Variants in CTNNA2 observed in about 807,000 individuals in gnomAD.
CTNNA2 encodes catenin alpha-2.
CTNNA2 carries 42 observed loss-of-function variants against 101.0 expected under a neutral mutation model. That is an observed-to-expected ratio of 0.42 (90% CI 0.32 to 0.54). The LOEUF is 0.54. Among genes scored for constraint, CTNNA2 ranks in the 20% least tolerant of loss-of-function variants. The pLI is 0.14. For synonymous variants in CTNNA2, 450 were observed against 456.4 expected, an observed-to-expected ratio of 0.99 and a Z score of 0.18; for missense variants, 871 against 1,223.1, an observed-to-expected ratio of 0.71 and a Z score of 4.29.
At chr2:79,467,965 A>G (rs868210151) in intron 4 of CTNNA2, among the ~76,000 whole-genome samples, 7 of 152,210 alleles carry the variant, frequency 4.6e-5, no homozygotes, top group African/African-American at 1.7e-4. Context: ...AAGAAACTGC[A>G]TCAACTAACA....
At chr2:79,970,709 T>C (rs1268174216) in intron 7 of CTNNA2, among the ~76,000 whole-genome samples, 1 of 152,136 alleles carries the variant, frequency 6.6e-6, no homozygotes, top group East Asian at 1.9e-4. Flanking sequence ...CAGGCCATAC[T>C]GGAGAATGGA....
intron 6 of CTNNA2, among the ~76,000 whole-genome samples, chr2:79,907,642 C>T (rs1432741205): frequency 6.6e-6 from 1 of 152,162 alleles, no homozygotes; most frequent in Non-Finnish European, 1.5e-5. Flanking sequence ...GGACAAAACC[C>T]AAATAGCACA....
chr2:79,187,327 T>A (rs1673794534), intron 1 of CTNNA2, among the ~76,000 whole-genome samples: 1 of 142,206 alleles, frequency 7.0e-6, no homozygotes, highest in Non-Finnish European at 1.5e-5. Context: ...TGGAGTGCAG[T>A]GGCACAATCT....
chr2:79,897,739 C>A (rs1050195074), intron 6 of CTNNA2, among the ~76,000 whole-genome samples: 1 of 152,142 alleles, frequency 6.6e-6, no homozygotes, highest in African/African-American at 2.4e-5. Flanking sequence ...GGGTAATTTA[C>A]AAAGAGCAAA....
At chr2:79,593,354 G>A (rs1676983037) in intron 1 of CTNNA2, among the ~76,000 whole-genome samples, 1 of 152,134 alleles carries the variant, frequency 6.6e-6, no homozygotes, top group African/African-American at 2.4e-5. Flanking sequence ...GACAATTATG[G>A]TCACAGTTGA....
chr2:79,996,859 A>G (rs72922656), intron 7 of CTNNA2, among the ~76,000 whole-genome samples: 2,522 of 152,246 alleles, frequency 0.017, 52 homozygotes, highest in African/African-American at 0.057. Flanking sequence ...GATGGCTGCC[A>G]TGGGGAAGAC....
intron 6 of CTNNA2, among the ~76,000 whole-genome samples, chr2:79,903,142 T>C (rs1431424123): frequency 1.3e-5 from 2 of 152,198 alleles, no homozygotes; most frequent in African/African-American, 2.4e-5. Context: ...ATTGGTGTTG[T>C]TAGTGTTAGA....
intron 4 of CTNNA2, among the ~76,000 whole-genome samples, chr2:79,502,776 A>G (rs1012826919): frequency 1.3e-5 from 2 of 152,170 alleles, no homozygotes; most frequent in Admixed American, 6.5e-5. Context: ...TTTAGTGGAA[A>G]TCATGAAATT....
At chr2:79,686,006 C>G (rs530089645) in intron 2 of CTNNA2, among the ~76,000 whole-genome samples, 11 of 152,206 alleles carry the variant, frequency 7.2e-5, no homozygotes, top group African/African-American at 2.6e-4. Flanking sequence ...GCTTTCCTAT[C>G]TAGGCTGAAG....
intron 4 of CTNNA2, among the ~76,000 whole-genome samples, chr2:79,392,204 T>C (rs1678181858): frequency 6.6e-6 from 1 of 152,182 alleles, no homozygotes; most frequent in Admixed American, 6.5e-5. Context: ...GGTGATGGGA[T>C]TGCTGGTGCT....
At chr2:79,856,968 A>G (rs1242811991) in intron 3 of CTNNA2, among the ~76,000 whole-genome samples, 3 of 152,182 alleles carry the variant, frequency 2.0e-5, no homozygotes, top group African/African-American at 7.2e-5. Context: ...CCAAAAATAA[A>G]AATCTATTAT....
intron 1 of CTNNA2, among the ~76,000 whole-genome samples, chr2:79,579,970 C>T (rs1463630513): frequency 1.3e-5 from 2 of 152,106 alleles, no homozygotes; most frequent in Non-Finnish European, 2.9e-5. Flanking sequence ...GACCATCTGA[C>T]ACTGAAAAAG....
chr2:79,474,230 A>G (rs1336721923), intron 4 of CTNNA2, among the ~76,000 whole-genome samples: 5 of 152,192 alleles, frequency 3.3e-5, no homozygotes, highest in African/African-American at 9.7e-5. Context: ...TAATCAGGGA[A>G]AAAAATGGAA....
intron 4 of CTNNA2, among the ~76,000 whole-genome samples, chr2:79,432,241 A>G (rs1678666442): frequency 6.6e-6 from 1 of 152,170 alleles, no homozygotes; most frequent in East Asian, 1.9e-4. Context: ...ATGATAAACC[A>G]CAACTACAGT....
chr2:79,525,108 A>G (rs927138953), intron 1 of CTNNA2, among the ~76,000 whole-genome samples: 9 of 152,046 alleles, frequency 5.9e-5, no homozygotes, highest in South Asian at 2.1e-4. Flanking sequence ...CATCATTTGC[A>G]TTTTGAAGCT....
intron 1 of CTNNA2, among the ~76,000 whole-genome samples, chr2:79,631,473 G>A (rs1316730726): frequency 6.6e-6 from 1 of 152,168 alleles, no homozygotes; most frequent in Non-Finnish European, 1.5e-5. Flanking sequence ...ATTGTTTGCT[G>A]AATAGCCAGG....
chr2:80,268,266 C>T (rs546274771), intron 7 of CTNNA2, among the ~76,000 whole-genome samples: 26 of 152,278 alleles, frequency 1.7e-4, no homozygotes, highest in Middle Eastern at 6.8e-3. Context: ...ACCGGCTGGA[C>T]GGGTGTAGAG....
rs1393625723 is a variant in CTNNA2 at position 79,513,139 on chromosome 2, T to G, written c.-74T>G. 6.6e-6 allele frequency: 1 copy of G among 152,556 alleles called. No homozygotes were observed. The highest frequency in any genetic ancestry group is 2.1e-4 in the South Asian group (1 of 4,844). The allele number at this position is 152,556 out of a possible 1,614,324, so 9.5% of individuals were successfully genotyped here. On this transcript the variant is annotated 5_prime_UTR_variant, in exon 1 of 19. Coordinates refer to ENST00000402739, the MANE Select transcript of CTNNA2 (RefSeq NM_001282597.3). Reference sequence around the variant, plus strand: ...GCCGCCTCTCCAGTCCCTTCTGTGATTACCACTCCAGCTGCTGGGAACGGG... The same window carrying G: ...GCCGCCTCTCCAGTCCCTTCTGTGAGTACCACTCCAGCTGCTGGGAACGGG...
chr2:80,523,339 A>G (rs999507960), intron 9 of CTNNA2, among the ~76,000 whole-genome samples: 3 of 152,170 alleles, frequency 2.0e-5, no homozygotes, highest in African/African-American at 4.8e-5. Context: ...GCAACTTTTC[A>G]TAGAATAAAA....
Sources: gnomAD v4.1 joint callset for allele counts (sites outside exome capture counted in the v4.1 genomes callset) on GRCh38, gnomAD v4.1.1 for gene constraint, MANE v1.5 for transcripts, NCBI Gene and HGNC (gene_info 2026-07-23, HGNC 2026-07-21) for gene names.